DEPTOR: variants seen among roughly 807,000 people sequenced by gnomAD.
DEPTOR encodes DEP domain-containing mTOR-interacting protein.
A neutral mutation model predicts 41.6 loss-of-function variants in DEPTOR; 41 were observed. That is an observed-to-expected ratio of 0.98 (90% CI 0.77 to 1.28). The LOEUF is 1.28. Ranked by LOEUF, DEPTOR falls within the 50% of genes most tolerant of loss-of-function variation. The probability of loss-of-function intolerance (pLI) is 0.00; values close to 1 mark genes in which losing one functional copy is unlikely to be tolerated. For missense variants in DEPTOR, 514 were observed against 527.9 expected (o/e 0.97, Z 0.26); for synonymous variants, 195 against 192.3 (o/e 1.01, Z -0.12).
intron 1 of DEPTOR, among the ~76,000 whole-genome samples, chr8:119,886,549 A>G (rs1827367676): frequency 6.6e-6 from 1 of 152,036 alleles, no homozygotes; most frequent in Admixed American, 6.6e-5. Flanking sequence ...ACACATAGAC[A>G]CATACAGGAG....
chr8:119,905,992 G>C (rs373414082), intron 1 of DEPTOR, among the ~76,000 whole-genome samples: 1 of 152,096 alleles, frequency 6.6e-6, no homozygotes, highest in East Asian at 1.9e-4. Flanking sequence ...ACAGCATCTC[G>C]CTATGTTGCC....
intron 1 of DEPTOR, among the ~76,000 whole-genome samples, chr8:119,911,270 G>A (rs1394568935): frequency 1.3e-5 from 2 of 151,060 alleles, no homozygotes; most frequent in African/African-American, 2.4e-5. Context: ...ACAGCAGACA[G>A]AGCTTCAGCC....
chr8:119,906,151 T>C (rs936622151), intron 1 of DEPTOR, among the ~76,000 whole-genome samples: 25 of 151,950 alleles, frequency 1.6e-4, no homozygotes, highest in Admixed American at 1.3e-3. Context: ...ATCATAAATA[T>C]ACACACACAC....
At chr8:120,046,816 C>G (rs1191994325) in intron 8 of DEPTOR, among the ~76,000 whole-genome samples, 1 of 152,116 alleles carries the variant, frequency 6.6e-6, no homozygotes, top group South Asian at 2.1e-4. Flanking sequence ...CAACGCTTTT[C>G]CCTCTGGTGG....
intron 8 of DEPTOR, among the ~76,000 whole-genome samples, chr8:120,019,258 T>C (rs1204433995): frequency 3.3e-5 from 5 of 152,030 alleles, no homozygotes; most frequent in Admixed American, 1.3e-4. Context: ...TGAGCCGAGA[T>C]TGCGCCACTG....
At chr8:119,974,092 A>G (rs1013144216) in intron 4 of DEPTOR, among the ~76,000 whole-genome samples, 1 of 151,932 alleles carries the variant, frequency 6.6e-6, no homozygotes. Flanking sequence ...GGAAGAGGAG[A>G]GGGAAGGAAG....
At chr8:119,967,191 A>G (rs182069629) in intron 4 of DEPTOR, among the ~76,000 whole-genome samples, 71 of 151,804 alleles carry the variant, frequency 4.7e-4, no homozygotes, top group Admixed American at 3.9e-3. Flanking sequence ...TGATGCTTCT[A>G]CCTTAGCCTT....
In DEPTOR at chr8:119,965,217, T is replaced by G; in HGVS notation, c.426-15T>G. ...CGTATAGGTTTACTTTTCTTTTCCC[T>G]TTTTTTCTTCCCAGGCTGATGAGCC... is the stretch of plus-strand genomic sequence containing the variant. On this transcript the variant is annotated splice_polypyrimidine_tract_variant and intron_variant, in intron 3 of 8. Transcript: ENST00000286234. The G allele has an allele frequency of 1.3e-6, 2 of 1,594,502 alleles. No individual in the cohort carries two copies. The highest frequency in any genetic ancestry group is 1.7e-6 in the Non-Finnish European group (2 of 1,173,156).
intron 4 of DEPTOR, among the ~76,000 whole-genome samples, chr8:119,991,088 T>TTCTTTCTTTTTCTTTC (rs1368002570): frequency 1.3e-4 from 6 of 45,792 alleles, no homozygotes; most frequent in Non-Finnish European, 2.5e-4. Context: ...CTTTCTTTCT[T>TTCTTTCTTTTTCTTTC]TTTCTTTCTT....
At chr8:119,885,020 C>T (rs1233823941) in intron 1 of DEPTOR, among the ~76,000 whole-genome samples, 1 of 152,226 alleles carries the variant, frequency 6.6e-6, no homozygotes, top group East Asian at 1.9e-4. Flanking sequence ...AGGCAATCGG[C>T]CCGTTTTGGA....
chr8:119,980,519 T>TTTCTC (rs1828752465), intron 4 of DEPTOR, among the ~76,000 whole-genome samples: 2 of 149,258 alleles, frequency 1.3e-5, no homozygotes, highest in African/African-American at 5.0e-5. Context: ...TTTTCTCTCT[T>TTTCTC]TGTGTTTTTT....
chr8:119,874,680 ATGGGGACCCTGGCTCC>A (rs1159283345), intron 1 of DEPTOR, among the ~76,000 whole-genome samples: 1 of 152,118 alleles, frequency 6.6e-6, no homozygotes, highest in African/African-American at 2.4e-5. Context: ...AGCAGGATCC[ATGGGGACCCTGGCTCC>A]TGCAAGAATT....
intron 4 of DEPTOR, among the ~76,000 whole-genome samples, chr8:119,994,943 A>G (rs1812236328): frequency 6.6e-6 from 1 of 151,480 alleles, no homozygotes; most frequent in Admixed American, 6.6e-5. Context: ...AAAAAGAAAA[A>G]GAAAAAAAAA....
At chr8:119,929,711 A>T in intron 2 of DEPTOR, 104 bp from the exon 3 acceptor site, 1 of 1,455,890 alleles carries the variant, frequency 6.9e-7, no homozygotes, top group Non-Finnish European at 9.3e-7. Context: ...TGCATGAAGA[A>T]TGTGATAGTG....
At chr8:119,895,288 T>TCTA (rs1486448211) in intron 1 of DEPTOR, among the ~76,000 whole-genome samples, 1 of 152,172 alleles carries the variant, frequency 6.6e-6, no homozygotes, top group Non-Finnish European at 1.5e-5. Context: ...CATCAGAGGG[T>TCTA]CTACAGCCTT....
At chr8:119,940,706 C>T (rs1297572258) in intron 3 of DEPTOR, among the ~76,000 whole-genome samples, 1 of 152,042 alleles carries the variant, frequency 6.6e-6, no homozygotes, top group Non-Finnish European at 1.5e-5. Context: ...CGCCATTGCA[C>T]TCCAGCGTGG....
intron 1 of DEPTOR, among the ~76,000 whole-genome samples, chr8:119,893,720 C>T (rs923197415): frequency 1.3e-5 from 2 of 151,604 alleles, no homozygotes; most frequent in Non-Finnish European, 1.5e-5. Flanking sequence ...CCCAACTACT[C>T]GGGAGGCTGA....
intron 8 of DEPTOR, among the ~76,000 whole-genome samples, chr8:120,028,744 T>G (rs1812840165): frequency 6.6e-6 from 1 of 151,526 alleles, no homozygotes. Context: ...ATTATAGGCA[T>G]GAACCACCAT....
chr8:120,006,824 C>T lies in DEPTOR; in HGVS notation c.945C>T (p.Thr315=). The change falls in exon 7 of 9, where the codon ACC becomes ACT. Residue 315 remains threonine (T), a synonymous_variant. Coordinates refer to ENST00000286234, the MANE Select transcript of DEPTOR (RefSeq NM_022783.4). The part of the protein sequence containing the change: ...NPKSVLKRPV[T]SEELLTPGAP... ...TGCCAGTGCTGAAGAGACCTGTCACCTCTGAGGAACTCCTTACTCCCGGGG... is the reference window on the plus strand; with the variant it reads ...TGCCAGTGCTGAAGAGACCTGTCACTTCTGAGGAACTCCTTACTCCCGGGG... The T allele has an allele frequency of 1.9e-6, 3 of 1,614,136 alleles. No individual in the cohort carries two copies. Among genetic ancestry groups the T allele is most frequent in the Non-Finnish European group, 2.5e-6 (3 of 1,180,034 alleles).
Sources: gnomAD v4.1 joint callset for allele counts (sites outside exome capture counted in the v4.1 genomes callset) on GRCh38, gnomAD v4.1.1 for gene constraint, MANE v1.5 for transcripts, NCBI Gene and HGNC (gene_info 2026-07-23, HGNC 2026-07-21) for gene names.